Variants in GLRA1 observed in about 807,000 individuals in gnomAD.
GLRA1 encodes glycine receptor subunit alpha-1.
A neutral mutation model predicts 48.3 loss-of-function variants in GLRA1; 37 were observed. That is an observed-to-expected ratio of 0.77 (90% confidence interval 0.59 to 1.01). The LOEUF (loss-of-function observed/expected upper bound fraction) is 1.01. Ranked by LOEUF, GLRA1 falls within the 50% of genes least tolerant of loss-of-function variation. GLRA1 has a pLI of 0.00. For missense variants in GLRA1, 427 were observed against 571.0 expected (o/e 0.75, Z 2.57); for synonymous variants, 196 against 210.7 (o/e 0.93, Z 0.60).
At chr5:151,884,665 G>A (rs1753851628) in intron 3 of GLRA1, among the ~76,000 whole-genome samples, 1 of 152,154 alleles carries the variant, frequency 6.6e-6, no homozygotes, top group African/African-American at 2.4e-5. Context: ...TTAGGAATCT[G>A]TATGAAGGAA....
At chr5:151,882,505 G>C (rs540788457) in intron 3 of GLRA1, among the ~76,000 whole-genome samples, 1 of 152,320 alleles carries the variant, frequency 6.6e-6, no homozygotes, top group East Asian at 1.9e-4. Context: ...CAAGAAAAGA[G>C]GCTTGAATGG....
rs368003163 is a variant in GLRA1, at chr5:151,829,402, G to GA, written c.913-336dup. ...TTGTAGTGAGCATTAAAAGTGAATG[G>GA]AGGATGTCAGCAAAAATGGCATCGT... On this transcript the variant is annotated intron_variant, in intron 7 of 8. Coordinates refer to ENST00000274576, the MANE Select transcript of GLRA1 (RefSeq NM_000171.4). 2.6e-4 allele frequency among the ~76,000 whole-genome samples: 40 copies of GA among 152,298 alleles called. 1 individual carries two copies. In the East Asian group the frequency reaches 7.7e-3, roughly 29 times the overall value.
chr5:151,881,154 A>T (rs549922809), intron 3 of GLRA1, among the ~76,000 whole-genome samples: 1 of 152,260 alleles, frequency 6.6e-6, no homozygotes, highest in South Asian at 2.1e-4. Flanking sequence ...CCACATACAT[A>T]CTACACAGAT....
chr5:151,822,746 G>T lies in GLRA1; in HGVS notation c.1277C>A (p.Ala426Asp), dbSNP rs960351972. The part of the protein sequence containing the change: ...DKISRIGFPM[A>D]FLIFNMFYWI... ...GTAGAACATGTTGAAAATGAGGAAG[G>T]CCATGGGGAAGCCAATGCGGGATAT... Residue 426 changes from alanine (A) to aspartate (D), a missense_variant, in exon 9 of 9, where the codon GCC becomes GAC. By Grantham distance (126) the Ala-to-Asp change is moderately radical. This residue lies in a region of GLRA1 where 121 missense variants were observed against 96.5 expected (regional missense o/e 1.25). Transcript: ENST00000274576. The T allele has an allele frequency of 6.2e-7, 1 of 1,613,618 alleles. No individual in the cohort carries two copies. The highest frequency in any genetic ancestry group is 8.5e-7 in the Non-Finnish European group (1 of 1,179,674).
intron 1 of GLRA1, among the ~76,000 whole-genome samples, chr5:151,897,582 A>C (rs2913884): frequency 0.31 from 46,953 of 152,026 alleles, 8,262 homozygotes; most frequent in South Asian, 0.4. Flanking sequence ...TTCCTTACTG[A>C]GAAGGCTTAT....
intron 3 of GLRA1, among the ~76,000 whole-genome samples, chr5:151,881,395 C>T (rs944117897): frequency 6.7e-6 from 1 of 150,264 alleles, no homozygotes; most frequent in African/African-American, 2.5e-5. Context: ...TCACAGCTCA[C>T]TGCAGCCTTG....
At chr5:151,824,471 T>C (rs1763223233) in intron 8 of GLRA1, among the ~76,000 whole-genome samples, 2 of 152,238 alleles carry the variant, frequency 1.3e-5, no homozygotes, top group African/African-American at 4.8e-5. Flanking sequence ...TGCCTGCTTT[T>C]GCAGTCTCAT....
chr5:151,849,114 T>TTCTTTCTC (rs1752775013), intron 7 of GLRA1: 5 of 190,868 alleles, frequency 2.6e-5, no homozygotes, highest in Non-Finnish European at 3.6e-5. Context: ...TTTTCTTTCT[T>TTCTTTCTC]TCTTTCTTTC....
At chr5:151,869,104 A>C (rs1313485799) in intron 3 of GLRA1, among the ~76,000 whole-genome samples, 1 of 150,190 alleles carries the variant, frequency 6.7e-6, no homozygotes, top group Admixed American at 6.6e-5. Context: ...ACATTTGCTA[A>C]ATTTTTTTTT....
At chr5:151,877,873 C>T (rs553412302) in intron 3 of GLRA1, among the ~76,000 whole-genome samples, 1 of 152,290 alleles carries the variant, frequency 6.6e-6, no homozygotes, top group South Asian at 2.1e-4. Context: ...TCAGGCATAT[C>T]TTTATCAGCA....
intron 8 of GLRA1, among the ~76,000 whole-genome samples, chr5:151,824,779 G>T (rs1236177026): frequency 6.6e-6 from 1 of 151,990 alleles, no homozygotes; most frequent in Non-Finnish European, 1.5e-5. Context: ...GTAATTTCTT[G>T]ATTAGCGTCT....
intron 3 of GLRA1, among the ~76,000 whole-genome samples, chr5:151,868,802 T>A (rs894867580): frequency 2.6e-5 from 4 of 152,362 alleles, no homozygotes; most frequent in African/African-American, 9.6e-5. Flanking sequence ...TGCTGTCTGC[T>A]CTATACTCAA....
intron 3 of GLRA1, among the ~76,000 whole-genome samples, chr5:151,862,577 G>T (rs1753233874): frequency 6.6e-6 from 1 of 152,146 alleles, no homozygotes; most frequent in African/African-American, 2.4e-5. Context: ...TTTCTCTGAT[G>T]GTACTGCAGT....
chr5:151,890,187 C>A (rs964693058), intron 2 of GLRA1, among the ~76,000 whole-genome samples: 9 of 152,194 alleles, frequency 5.9e-5, no homozygotes, highest in Admixed American at 5.2e-4. Flanking sequence ...GACAGCATGA[C>A]TTGAAAAAGT....
chr5:151,896,259 G>A (rs187205161), intron 1 of GLRA1, among the ~76,000 whole-genome samples: 102 of 152,304 alleles, frequency 6.7e-4, no homozygotes, highest in Admixed American at 1.8e-3. Context: ...GCACTGAGCC[G>A]AAGTGGAGGG....
chr5:151,896,919 C>T (rs1581653540), intron 1 of GLRA1, among the ~76,000 whole-genome samples: 1 of 152,216 alleles, frequency 6.6e-6, no homozygotes, highest in East Asian at 1.9e-4. Flanking sequence ...TGTTCTGAGC[C>T]CAAGGCCTGC....
intron 4 of GLRA1, among the ~76,000 whole-genome samples, chr5:151,858,451 T>C (rs773330807): frequency 2.0e-5 from 3 of 152,104 alleles, no homozygotes; most frequent in African/African-American, 4.8e-5. Flanking sequence ...TTCCTAGAGA[T>C]AGGAAATTAG....
intron 3 of GLRA1, among the ~76,000 whole-genome samples, chr5:151,886,310 T>G (rs1331868667): frequency 6.6e-6 from 1 of 152,222 alleles, no homozygotes; most frequent in Non-Finnish European, 1.5e-5. Flanking sequence ...TGAAAAGTTT[T>G]AAATGTATTC....
At chr5:151,901,052 T>G (rs1043881666) in intron 1 of GLRA1, among the ~76,000 whole-genome samples, 2 of 152,152 alleles carry the variant, frequency 1.3e-5, no homozygotes, top group Admixed American at 6.5e-5. Flanking sequence ...ATACTCTTAG[T>G]CAGCCCCTGG....
Sources: allele counts gnomAD v4.1 joint callset (sites outside exome capture counted in the v4.1 genomes callset), GRCh38; gene constraint gnomAD v4.1.1; regional missense constraint gnomAD v4.1.1; transcripts MANE v1.5; gene names NCBI Gene and HGNC (gene_info 2026-07-23, HGNC 2026-07-21).